Variants in UNC13B observed in about 807,000 individuals in gnomAD.
UNC13B encodes the protein unc-13 homolog B, also known as protein unc-13 homolog B.
A neutral mutation model predicts 211.0 loss-of-function variants in UNC13B; 144 were observed. The observed-to-expected ratio is 0.68, with a 90% CI of 0.60 to 0.78. UNC13B has a LOEUF of 0.78. Ranked by LOEUF, UNC13B falls within the 30% of genes least tolerant of loss-of-function variation. The probability of loss-of-function intolerance (pLI) is 0.00; values close to 1 mark genes in which losing one functional copy is unlikely to be tolerated. For synonymous variants in UNC13B, 709 were observed against 725.8 expected (o/e 0.98, Z 0.37); for missense variants, 1,777 against 2,002.0 (o/e 0.89, Z 2.14).
At chr9:35,247,148 T>A (rs570407049) in intron 6 of UNC13B, among the ~76,000 whole-genome samples, 102 of 152,322 alleles carry the variant, frequency 6.7e-4, no homozygotes, top group Non-Finnish European at 1.4e-3. Context: ...GATTTGGCTC[T>A]CTGTTTGTCT....
intron 1 of UNC13B, among the ~76,000 whole-genome samples, chr9:35,189,140 A>G (rs1218065783): frequency 2.0e-5 from 3 of 152,300 alleles, no homozygotes; most frequent in African/African-American, 7.2e-5. Flanking sequence ...CAAAATTTAC[A>G]TTTCCATGCA....
At chr9:35,170,386 T>G (rs1821269825) in intron 1 of UNC13B, among the ~76,000 whole-genome samples, 1 of 151,762 alleles carries the variant, frequency 6.6e-6, no homozygotes, top group Non-Finnish European at 1.5e-5. Context: ...GGCTGGTCTC[T>G]AACTCCTGAC....
At chr9:35,287,474 C>T (rs780746894) in intron 7 of UNC13B, among the ~76,000 whole-genome samples, 1 of 152,168 alleles carries the variant, frequency 6.6e-6, no homozygotes, top group Non-Finnish European at 1.5e-5. Flanking sequence ...GTTCCAGTTG[C>T]TCCACAGCCT....
intron 3 of UNC13B, among the ~76,000 whole-genome samples, chr9:35,234,289 A>G (rs1455330755): frequency 2.6e-5 from 4 of 151,900 alleles, no homozygotes; most frequent in Non-Finnish European, 4.4e-5. Flanking sequence ...CTAATTAAAA[A>G]AAATTTTTCT....
intron 1 of UNC13B, among the ~76,000 whole-genome samples, chr9:35,200,622 T>G (rs988157920): frequency 5.3e-5 from 8 of 152,212 alleles, no homozygotes; most frequent in African/African-American, 1.9e-4. Context: ...TCTCTCATGA[T>G]TTGGCTTACT....
Position 35,301,191 on chromosome 9 carries a change from T to C in UNC13B, c.1787T>C (p.Met596Thr), listed in dbSNP as rs544945026. The C allele has an allele frequency of 2.5e-6, 1 of 398,920 alleles. No homozygotes were observed. The highest frequency in any genetic ancestry group is 1.3e-4 in the South Asian group (1 of 7,850). The allele number at this position is 398,920 out of a possible 1,614,324, so 24.7% of individuals were successfully genotyped here. Residue 596 changes from methionine (M) to threonine (T), a missense_variant, in exon 9 of 40, where the codon ATG becomes ACG. Transcript: ENST00000635942. The part of the protein sequence containing the change: ...AMAVLGKDLS[M>T]QSPLSSQKDD... Reference sequence around the variant, plus strand: ...GCAGTATTGGGGAAGGATCTTTCCATGCAATCTCCATTATCCTCTCAAAAA... The same window carrying C: ...GCAGTATTGGGGAAGGATCTTTCCACGCAATCTCCATTATCCTCTCAAAAA...
chr9:35,312,333 TCTTCC>T (rs2131867854), intron 10 of UNC13B, among the ~76,000 whole-genome samples: 1 of 152,352 alleles, frequency 6.6e-6, no homozygotes, highest in South Asian at 2.1e-4. Context: ...TTTTCTCTCT[TCTTCC>T]CTTTTTTGGT....
At chr9:35,222,590 A>T (rs1222241468) in intron 1 of UNC13B, among the ~76,000 whole-genome samples, 4 of 152,188 alleles carry the variant, frequency 2.6e-5, no homozygotes, top group Non-Finnish European at 5.9e-5. Flanking sequence ...GATACATAAT[A>T]ACTGTACGTA....
At chr9:35,173,354 A>G (rs575516326) in intron 1 of UNC13B, among the ~76,000 whole-genome samples, 1 of 152,144 alleles carries the variant, frequency 6.6e-6, no homozygotes, top group Admixed American at 6.5e-5. Flanking sequence ...CCATTCCCAC[A>G]ATTACACCAG....
chr9:35,358,872 G>A, intron 11 of UNC13B, among the ~76,000 whole-genome samples: 1 of 151,600 alleles, frequency 6.6e-6, no homozygotes. Flanking sequence ...TTAATTTTTT[G>A]TATTTTTAGT....
chr9:35,308,468 GCAAGTGAC>G, intron 9 of UNC13B, 56 bp downstream of exon 9: 1 of 398,274 alleles, frequency 2.5e-6, no homozygotes, highest in Non-Finnish European at 4.4e-6. Flanking sequence ...CATTTATGAT[GCAAGTGAC>G]TTAGTGGTAG....
intron 1 of UNC13B, among the ~76,000 whole-genome samples, chr9:35,210,359 C>T (rs1587380822): frequency 6.6e-6 from 1 of 152,146 alleles, no homozygotes; most frequent in East Asian, 1.9e-4. Context: ...ATTTCACATA[C>T]TCATTAGCCA....
chr9:35,295,965 A>G (rs1564119005), intron 8 of UNC13B, 35 bp downstream of exon 8: 1 of 1,549,330 alleles, frequency 6.5e-7, no homozygotes, highest in Non-Finnish European at 8.8e-7. Context: ...TCTCTTCCTA[A>G]TATCCAGGTC....
intron 1 of UNC13B, among the ~76,000 whole-genome samples, chr9:35,210,322 A>T (rs1221458928): frequency 2.0e-5 from 3 of 152,132 alleles, no homozygotes; most frequent in African/African-American, 7.2e-5. Context: ...GAATTTAAAA[A>T]TTCATTTTCT....
chr9:35,182,120 T>TTCCTA (rs1355074957), intron 1 of UNC13B, among the ~76,000 whole-genome samples: 1 of 152,190 alleles, frequency 6.6e-6, no homozygotes, highest in Non-Finnish European at 1.5e-5. Flanking sequence ...TTTACATTTG[T>TTCCTA]TCCTATATCA....
At position 35,306,391 on chromosome 9, in the gene UNC13B, A is replaced by G. The variant is rs1017333259; in HGVS notation, c.6987A>G (p.Lys2329=). The change falls in exon 9 of 40, where the codon AAA becomes AAG. Residue 2329 remains lysine, a synonymous_variant. Transcript: ENST00000635942. ...SVDFQMNELQ[K]DIIPPSPEFQ... ...ATTTCCAGATGAATGAATTGCAAAA[A>G]GACATTATTCCTCCTTCACCAGAAT... is the stretch of plus-strand genomic sequence containing the variant. 2 of 398,928 alleles carry G rather than the reference A, an allele frequency of 5.0e-6. No homozygotes were observed. Among genetic ancestry groups the G allele is most frequent in the African/African-American group, 4.1e-5 (2 of 48,634 alleles). The allele number at this position is 398,928 out of a possible 1,614,324, so 24.7% of individuals were successfully genotyped here.
chr9:35,363,244 G>A (rs1833547464), intron 11 of UNC13B, among the ~76,000 whole-genome samples: 1 of 152,138 alleles, frequency 6.6e-6, no homozygotes, highest in South Asian at 2.1e-4. Context: ...GGCATTATGG[G>A]GAAACCTGTG....
intron 1 of UNC13B, among the ~76,000 whole-genome samples, chr9:35,218,760 TC>T (rs201307856): frequency 1.2e-3 from 177 of 148,292 alleles, no homozygotes; most frequent in Middle Eastern, 3.5e-3. Flanking sequence ...TTCTCTTTTT[TC>T]TTTTTGAGAT....
At chr9:35,228,829 A>G (rs1000615450) in intron 2 of UNC13B, among the ~76,000 whole-genome samples, 4 of 151,368 alleles carry the variant, frequency 2.6e-5, no homozygotes, top group Non-Finnish European at 5.9e-5. Flanking sequence ...TAGGTCCCTG[A>G]TTGATTAATA....
Sources: gnomAD v4.1 joint callset for allele counts (sites outside exome capture counted in the v4.1 genomes callset) on GRCh38, gnomAD v4.1.1 for gene constraint, MANE v1.5 for transcripts, NCBI Gene and HGNC (gene_info 2026-07-23, HGNC 2026-07-21) for gene names.